AK8: variants seen among roughly 807,000 people sequenced by gnomAD.
AK8 encodes ATP-AMP transphosphorylase 8.
Under a neutral mutation model 54.6 loss-of-function variants are expected in AK8, and 44 were observed. That is an observed-to-expected ratio of 0.81 (90% confidence interval 0.63 to 1.04). The LOEUF (loss-of-function observed/expected upper bound fraction) is 1.04, where lower values mean the gene tolerates loss of function less well. AK8 is among the 50% of genes least tolerant of loss of function. The pLI, the probability that AK8 is intolerant of heterozygous loss-of-function variation, is 0.00. For missense variants in AK8, 555 were observed against 613.6 expected (o/e 0.90, Z 1.01); for synonymous variants, 239 against 245.6 (o/e 0.97, Z 0.25).
At chr9:132,841,544 G>A (rs1248800781) in intron 5 of AK8, among the ~76,000 whole-genome samples, 1 of 152,124 alleles carries the variant, frequency 6.6e-6, no homozygotes, top group African/African-American at 2.4e-5. Context: ...AGAAGGCCTG[G>A]CACAAACCTG....
chr9:132,779,870 AC>A (rs1490558872), intron 11 of AK8, among the ~76,000 whole-genome samples: 1 of 152,208 alleles, frequency 6.6e-6, no homozygotes, highest in African/African-American at 2.4e-5. Context: ...CATGGATCTT[AC>A]CTGGCTATGT....
intron 4 of AK8, among the ~76,000 whole-genome samples, chr9:132,855,702 A>G (rs942999843): frequency 1.3e-5 from 2 of 152,258 alleles, no homozygotes; most frequent in Non-Finnish European, 1.5e-5. Context: ...AGCAGCAATC[A>G]TGACGGCTAG....
intron 5 of AK8, among the ~76,000 whole-genome samples, chr9:132,844,210 G>A (rs1281004750): frequency 7.6e-5 from 11 of 144,934 alleles, no homozygotes; most frequent in Admixed American, 5.8e-4. Context: ...CCTTTTGATC[G>A]TTCCAATACA....
At chr9:132,728,927 C>G (rs1021707370) in intron 11 of AK8, among the ~76,000 whole-genome samples, 1 of 150,780 alleles carries the variant, frequency 6.6e-6, no homozygotes, top group African/African-American at 2.4e-5. Flanking sequence ...CTTTTAGAGG[C>G]AGGGTCTCAC....
intron 11 of AK8, among the ~76,000 whole-genome samples, chr9:132,745,179 T>C (rs934049307): frequency 6.6e-6 from 1 of 152,206 alleles, no homozygotes; most frequent in Non-Finnish European, 1.5e-5. Context: ...GGTGGGGCCT[T>C]ATGAATGTTT....
intron 11 of AK8, among the ~76,000 whole-genome samples, chr9:132,789,434 T>C (rs1469353692): frequency 1.3e-5 from 2 of 150,846 alleles, no homozygotes; most frequent in Non-Finnish European, 3.0e-5. Context: ...CCGTCTCTAA[T>C]AAAAATACAA....
chr9:132,853,783 C>CAAAA (rs71376669), intron 5 of AK8, among the ~76,000 whole-genome samples: 12,718 of 42,554 alleles, frequency 0.3, 2,596 homozygotes, highest in South Asian at 0.4. Context: ...GACTCTGCCT[C>CAAAA]AAAAAAAAAA....
chr9:132,867,386 G>C (rs1420754543), intron 2 of AK8, among the ~76,000 whole-genome samples: 1 of 152,186 alleles, frequency 6.6e-6, no homozygotes, highest in Non-Finnish European at 1.5e-5. Context: ...ATTTTACAGA[G>C]GGAAGTAATG....
chr9:132,856,340 C>T lies in AK8; in HGVS notation c.334-1415G>A, dbSNP rs925883907. ...GCAGGCTCTCTGCTCCTGGCGGCTG[C>T]GATACAGCCAGCTGGGCGACCCTGG... On this transcript the variant is annotated intron_variant, in intron 4 of 12. Transcript: ENST00000298545. Among the ~76,000 whole-genome samples, 6 of 152,348 alleles carry T rather than the reference C, an allele frequency of 3.9e-5. No homozygotes were observed. The East Asian group carries it at 5.8e-4, about 15-fold the overall frequency.
At chr9:132,760,555 C>T (rs1179694984) in intron 11 of AK8, among the ~76,000 whole-genome samples, 1 of 152,088 alleles carries the variant, frequency 6.6e-6, no homozygotes, top group African/African-American at 2.4e-5. Context: ...TTGGTCCTTC[C>T]ATCCCAAGTC....
chr9:132,872,692 G>A (rs1481490089), intron 2 of AK8, among the ~76,000 whole-genome samples: 1 of 151,906 alleles, frequency 6.6e-6, no homozygotes, highest in Non-Finnish European at 1.5e-5. Context: ...GGAGTGCAGT[G>A]GTGCGATCTC....
At chr9:132,800,796 G>T (rs1840409877) in intron 10 of AK8, among the ~76,000 whole-genome samples, 1 of 152,068 alleles carries the variant, frequency 6.6e-6, no homozygotes, top group Non-Finnish European at 1.5e-5. Flanking sequence ...CCCACTTTCT[G>T]TCACTCTCTT....
At chr9:132,727,118 A>T (rs1045728557) in intron 12 of AK8, among the ~76,000 whole-genome samples, 2 of 152,134 alleles carry the variant, frequency 1.3e-5, no homozygotes, top group African/African-American at 4.8e-5. Context: ...ACTGGGATGC[A>T]TCGTGGCTCA....
intron 11 of AK8, among the ~76,000 whole-genome samples, chr9:132,784,792 C>T (rs1030282094): frequency 8.5e-5 from 13 of 152,086 alleles, no homozygotes; most frequent in Non-Finnish European, 1.6e-4. Context: ...GAATCAAAGA[C>T]ATAATCCATT....
At chr9:132,822,725 CTG>C (rs1445967339) in intron 9 of AK8, among the ~76,000 whole-genome samples, 1 of 152,112 alleles carries the variant, frequency 6.6e-6, no homozygotes, top group African/African-American at 2.4e-5. Flanking sequence ...TTTATTGAAA[CTG>C]TGCGGAGTGA....
chr9:132,771,988 C>G (rs915508370), intron 11 of AK8, among the ~76,000 whole-genome samples: 1 of 152,048 alleles, frequency 6.6e-6, no homozygotes, highest in Admixed American at 6.6e-5. Flanking sequence ...AGGGGAACTC[C>G]CCCTTAAAAA....
chr9:132,774,949 C>A (rs560740641), intron 11 of AK8, among the ~76,000 whole-genome samples: 19 of 152,266 alleles, frequency 1.2e-4, no homozygotes, highest in Admixed American at 1.2e-3. Flanking sequence ...AATTGAGATG[C>A]GCTTTGCCAA....
At chr9:132,775,935 A>G (rs1206276165) in intron 11 of AK8, among the ~76,000 whole-genome samples, 1 of 152,204 alleles carries the variant, frequency 6.6e-6, no homozygotes, top group East Asian at 1.9e-4. Context: ...TTTTGATGTC[A>G]CTGCTTCAAA....
At chr9:132,822,975 G>A (rs1204653669) in intron 9 of AK8, among the ~76,000 whole-genome samples, 1 of 152,190 alleles carries the variant, frequency 6.6e-6, no homozygotes, top group Non-Finnish European at 1.5e-5. Flanking sequence ...TCTTTGGGCT[G>A]TGGACATGTT....
Sources: gnomAD v4.1 joint callset for allele counts (sites outside exome capture counted in the v4.1 genomes callset) on GRCh38, gnomAD v4.1.1 for gene constraint, MANE v1.5 for transcripts, NCBI Gene and HGNC (gene_info 2026-07-23, HGNC 2026-07-21) for gene names.